RALYL: variants seen among roughly 807,000 people sequenced by gnomAD.
The protein encoded by RALYL is RNA-binding Raly-like protein.
RALYL carries 29 observed loss-of-function variants against 35.1 expected under a neutral mutation model. That is an observed-to-expected ratio of 0.83 (90% CI 0.61 to 1.13). The LOEUF is 1.13. Ranked by LOEUF, RALYL falls within the 50% of genes most tolerant of loss-of-function variation. RALYL has a pLI of 0.00. For missense variants in RALYL, 359 were observed against 360.4 expected (o/e 1.00, Z 0.03); for synonymous variants, 120 against 127.6 (o/e 0.94, Z 0.40).
intron 2 of RALYL, among the ~76,000 whole-genome samples, chr8:84,771,769 T>A (rs1019814145): frequency 2.0e-5 from 3 of 152,092 alleles, no homozygotes; most frequent in African/African-American, 7.2e-5. Flanking sequence ...ATGAGTTTCC[T>A]ATATATTCAA....
intron 1 of RALYL, among the ~76,000 whole-genome samples, chr8:84,280,642 C>A (rs1836351887): frequency 6.6e-6 from 1 of 151,808 alleles, no homozygotes; most frequent in South Asian, 2.1e-4. Context: ...AAGACCCTGA[C>A]TTTATCTTTG....
intron 2 of RALYL, among the ~76,000 whole-genome samples, chr8:84,621,074 C>T (rs958511402): frequency 6.6e-5 from 10 of 152,288 alleles, no homozygotes; most frequent in African/African-American, 1.9e-4. Context: ...AGAGGTGGAG[C>T]CTACAGAGGC....
At chr8:84,217,448 A>C (rs1821099973) in intron 1 of RALYL, among the ~76,000 whole-genome samples, 1 of 152,098 alleles carries the variant, frequency 6.6e-6, no homozygotes. Context: ...TTGTATGTGC[A>C]CCTAGACTAT....
chr8:84,507,252 T>C (rs1041422811), intron 1 of RALYL, among the ~76,000 whole-genome samples: 1 of 152,146 alleles, frequency 6.6e-6, no homozygotes, highest in African/African-American at 2.4e-5. Flanking sequence ...TTTGATTTTT[T>C]CTTATTGACT....
intron 2 of RALYL, among the ~76,000 whole-genome samples, chr8:84,682,971 G>A (rs1002347589): frequency 1.6e-4 from 24 of 151,974 alleles, no homozygotes; most frequent in Non-Finnish European, 5.9e-5. Flanking sequence ...TTTCTCCTGT[G>A]GGCATTTAGT....
chr8:84,271,911 C>T (rs1329798487), intron 1 of RALYL, among the ~76,000 whole-genome samples: 1 of 151,990 alleles, frequency 6.6e-6, no homozygotes, highest in Non-Finnish European at 1.5e-5. Context: ...ATAATTATTG[C>T]ACAACTATAT....
intron 1 of RALYL, among the ~76,000 whole-genome samples, chr8:84,206,596 T>C (rs1205199557): frequency 1.1e-4 from 17 of 152,186 alleles, no homozygotes. Context: ...CTAGAAACAG[T>C]AATTGATGAT....
At chr8:84,578,369 C>A (rs959108199) in intron 2 of RALYL, among the ~76,000 whole-genome samples, 1 of 152,188 alleles carries the variant, frequency 6.6e-6, no homozygotes, top group African/African-American at 2.4e-5. Context: ...TCAGGGATCA[C>A]CTAGGTCTGG....
At chr8:84,394,893 T>A (rs528415069) in intron 1 of RALYL, among the ~76,000 whole-genome samples, 1 of 152,056 alleles carries the variant, frequency 6.6e-6, no homozygotes, top group South Asian at 2.1e-4. Flanking sequence ...TTTCTCATTA[T>A]TCTCCTTAGA....
At chr8:84,914,692 T>C (rs1297107299) in intron 8 of RALYL, among the ~76,000 whole-genome samples, 1 of 152,038 alleles carries the variant, frequency 6.6e-6, no homozygotes, top group Non-Finnish European at 1.5e-5. Context: ...ATAAAAGGTC[T>C]TTTTCAGAGA....
intron 1 of RALYL, among the ~76,000 whole-genome samples, chr8:84,327,415 T>C (rs73291399): frequency 0.013 from 1,913 of 152,250 alleles, 57 homozygotes; most frequent in African/African-American, 0.043. Flanking sequence ...GAGATAGGTC[T>C]ATAGAGGCAG....
At chr8:84,370,568 G>T (rs892562990) in intron 1 of RALYL, among the ~76,000 whole-genome samples, 1 of 151,946 alleles carries the variant, frequency 6.6e-6, no homozygotes, top group Admixed American at 6.6e-5. Context: ...TGTTAGAATG[G>T]TAAGAGTCAG....
At chr8:84,760,989 C>T (rs1812549700) in intron 2 of RALYL, among the ~76,000 whole-genome samples, 1 of 151,962 alleles carries the variant, frequency 6.6e-6, no homozygotes, top group Admixed American at 6.6e-5. Context: ...CAGTTTTAAT[C>T]ATAGAAAATA....
chr8:84,202,367 ATTTTTTTTTT>A (rs1187950600), intron 1 of RALYL, among the ~76,000 whole-genome samples: 1 of 113,448 alleles, frequency 8.8e-6, no homozygotes, highest in African/African-American at 3.2e-5. Context: ...TATTGAAGGG[ATTTTTTTTTT>A]TTTTTTTTTT....
intron 2 of RALYL, among the ~76,000 whole-genome samples, chr8:84,618,123 G>A (rs2131003042): frequency 6.6e-6 from 1 of 151,922 alleles, no homozygotes; most frequent in Non-Finnish European, 1.5e-5. Context: ...GAGTTAGGGA[G>A]GATTCCCTCT....
intron 2 of RALYL, among the ~76,000 whole-genome samples, chr8:84,774,169 C>T (rs2718968): frequency 0.23 from 34,960 of 151,994 alleles, 4,246 homozygotes; most frequent in Non-Finnish European, 0.25. Context: ...CAGTGAGCAA[C>T]GATTTCCCCA....
At chr8:84,621,861 G>T (rs971537890) in intron 2 of RALYL, among the ~76,000 whole-genome samples, 1 of 152,106 alleles carries the variant, frequency 6.6e-6, no homozygotes, top group Non-Finnish European at 1.5e-5. Context: ...TGGATTTCTA[G>T]TCCTTTGCAG....
intron 7 of RALYL, among the ~76,000 whole-genome samples, chr8:84,877,499 T>A (rs1820531): frequency 0.46 from 69,411 of 151,334 alleles, 18,925 homozygotes; most frequent in African/African-American, 0.75. Flanking sequence ...CAAATAAATA[T>A]ATATATATAT....
chr8:84,297,280 C>A (rs925033578), intron 1 of RALYL, among the ~76,000 whole-genome samples: 3 of 152,020 alleles, frequency 2.0e-5, no homozygotes, highest in African/African-American at 7.2e-5. Flanking sequence ...ATATTTGGTT[C>A]CCACTTATAA....
Sources: gnomAD v4.1 joint callset for allele counts (sites outside exome capture counted in the v4.1 genomes callset) on GRCh38, gnomAD v4.1.1 for gene constraint, MANE v1.5 for transcripts, NCBI Gene and HGNC (gene_info 2026-07-23, HGNC 2026-07-21) for gene names.